The following UBE2D2 variants were observed in gnomAD, a reference collection of about 807,000 sequenced individuals.
UBE2D2 encodes the protein ubiquitin conjugating enzyme E2 D2, also known as ubiquitin-conjugating enzyme E2 D2.
Under a neutral mutation model 24.2 loss-of-function variants are expected in UBE2D2, and 2 were observed. The observed-to-expected ratio is 0.08, with a 90% CI of 0.03 to 0.26. UBE2D2 has a LOEUF of 0.26. UBE2D2 is among the 10% of genes least tolerant of loss of function. The pLI, the probability that UBE2D2 is intolerant of heterozygous loss-of-function variation, is 1.00. For synonymous variants in UBE2D2, 58 were observed against 56.5 expected (o/e 1.03, Z -0.12); for missense variants, 44 against 177.6 (o/e 0.25, Z 4.28).
chr5:139,550,238 G>C (rs1298212295), intron 1 of UBE2D2, among the ~76,000 whole-genome samples: 2 of 152,114 alleles, frequency 1.3e-5, no homozygotes, highest in Non-Finnish European at 2.9e-5. Flanking sequence ...CCTGTGTCTA[G>C]CTCAAGGTTT....
Position 139,627,162 on chromosome 5 carries a change from A to G in UBE2D2, c.*361A>G. 1 of 203,872 alleles carries G rather than the reference A, an allele frequency of 4.9e-6. No individual in the cohort carries two copies. The allele number at this position is 203,872 out of a possible 1,614,324, so 12.6% of individuals were successfully genotyped here. The stretch of plus-strand genomic sequence containing the variant: ...GCTTGGATGGGAAAGAAAAGGCTCC[A>G]CTCACCTATAGGAGATTATTTTTAA... On this transcript the variant is annotated 3_prime_UTR_variant, in exon 7 of 7. Transcript: ENST00000398733.
At chr5:139,555,693 G>A (rs1478383669) in intron 1 of UBE2D2, among the ~76,000 whole-genome samples, 2 of 151,986 alleles carry the variant, frequency 1.3e-5, no homozygotes, top group Non-Finnish European at 2.9e-5. Context: ...TTGGGAGGCC[G>A]AGGTGGGCAG....
intron 5 of UBE2D2, among the ~76,000 whole-genome samples, chr5:139,620,894 C>T (rs1754501586): frequency 6.6e-6 from 1 of 152,206 alleles, no homozygotes; most frequent in Non-Finnish European, 1.5e-5. Flanking sequence ...GGCTACTGAA[C>T]TTAATGTAAT....
At chr5:139,562,956 T>C (rs763639379) in intron 1 of UBE2D2, among the ~76,000 whole-genome samples, 2 of 152,176 alleles carry the variant, frequency 1.3e-5, no homozygotes, top group Non-Finnish European at 2.9e-5. Flanking sequence ...TTTTTCCTTT[T>C]AGTGGAGAAC....
At position 139,628,131 on chromosome 5, in the gene UBE2D2, A is replaced by G. The variant is rs1165149068; in HGVS notation, c.*1330A>G. 6.6e-6 allele frequency: 1 copy of G among 152,620 alleles called. No homozygotes were observed. The highest frequency in any genetic ancestry group is 2.4e-5 in the African/African-American group (1 of 41,436). 9.5% of individuals were successfully genotyped at this position (152,620 alleles called of 1,614,324 possible). On this transcript the variant is annotated 3_prime_UTR_variant, in exon 7 of 7. Transcript: ENST00000398733. Reference sequence around the variant, plus strand: ...CAGTCTTGTTTGGAGAGTCTACATAATTACTTTGCACTAACATTTGCAGGA... The same window carrying G: ...CAGTCTTGTTTGGAGAGTCTACATAGTTACTTTGCACTAACATTTGCAGGA...
chr5:139,615,003 G>T (rs377052164), intron 5 of UBE2D2, 37 bp downstream of exon 5: 2 of 1,533,966 alleles, frequency 1.3e-6, no homozygotes, highest in Non-Finnish European at 1.8e-6. Flanking sequence ...TAAAGCAACC[G>T]TGTCTTTTGT....
upstream of UBE2D2, among the ~76,000 whole-genome samples, chr5:139,559,117 G>C (rs796754671): frequency 3.0e-4 from 45 of 152,022 alleles, 2 homozygotes; most frequent in African/African-American, 1.0e-3. Context: ...AGTTATTACT[G>C]AGAATAACTT....
At chr5:139,528,926 C>G (rs1012531293) in intron 1 of UBE2D2, among the ~76,000 whole-genome samples, 1 of 152,122 alleles carries the variant, frequency 6.6e-6, no homozygotes, top group Admixed American at 6.6e-5. Context: ...AAGAAGATGA[C>G]AAGCCCTGCT....
At chr5:139,537,831 G>A (rs1197962483) in intron 1 of UBE2D2, among the ~76,000 whole-genome samples, 1 of 151,768 alleles carries the variant, frequency 6.6e-6, no homozygotes, top group African/African-American at 2.4e-5. Flanking sequence ...GGGCGTGTTG[G>A]TGGGCACCTG....
chr5:139,550,023 A>T (rs547998282), intron 1 of UBE2D2, among the ~76,000 whole-genome samples: 1 of 150,268 alleles, frequency 6.7e-6, no homozygotes, highest in East Asian at 1.9e-4. Context: ...AAACACACTA[A>T]TCAGCACCCT....
At chr5:139,549,232 C>G (rs543622814) in intron 1 of UBE2D2, among the ~76,000 whole-genome samples, 4 of 152,300 alleles carry the variant, frequency 2.6e-5, no homozygotes, top group East Asian at 1.9e-4. Flanking sequence ...GCCTCGGCGT[C>G]CACTCTGGCT....
chr5:139,595,924 C>T (rs2126681042), intron 1 of UBE2D2, among the ~76,000 whole-genome samples: 1 of 122,548 alleles, frequency 8.2e-6, no homozygotes, highest in Middle Eastern at 5.8e-3. Context: ...GACAGAGTCT[C>T]ACTCTATCAC....
chr5:139,619,817 C>G (rs766604926), intron 5 of UBE2D2, among the ~76,000 whole-genome samples: 1 of 152,052 alleles, frequency 6.6e-6, no homozygotes, highest in East Asian at 1.9e-4. Flanking sequence ...AAGCTGGGAT[C>G]GCGCCATTGC....
intron 2 of UBE2D2, among the ~76,000 whole-genome samples, chr5:139,607,526 A>G (rs992142587): frequency 6.6e-6 from 1 of 152,174 alleles, no homozygotes; most frequent in African/African-American, 2.4e-5. Flanking sequence ...TTTGACCTTA[A>G]TAACAGTGAA....
chr5:139,596,584 GC>G (rs1753964116), intron 1 of UBE2D2, among the ~76,000 whole-genome samples: 1 of 151,718 alleles, frequency 6.6e-6, no homozygotes, highest in Admixed American at 6.6e-5. Flanking sequence ...GAGCTACCGT[GC>G]CCAGCCCAAA....
intron 1 of UBE2D2, among the ~76,000 whole-genome samples, chr5:139,585,537 T>C (rs892214158): frequency 1.3e-5 from 2 of 152,062 alleles, no homozygotes; most frequent in Non-Finnish European, 2.9e-5. Flanking sequence ...CTATAGACTT[T>C]CTGTTTCCTG....
At chr5:139,543,387 G>A (rs1202547618) in intron 1 of UBE2D2, among the ~76,000 whole-genome samples, 1 of 152,144 alleles carries the variant, frequency 6.6e-6, no homozygotes, top group Non-Finnish European at 1.5e-5. Context: ...TCCTTTCCCC[G>A]CTCCACTTTA....
At chr5:139,535,055 G>A (rs770582094) in intron 1 of UBE2D2, among the ~76,000 whole-genome samples, 7 of 151,866 alleles carry the variant, frequency 4.6e-5, no homozygotes, top group Non-Finnish European at 7.4e-5. Flanking sequence ...GGGGAGAATC[G>A]CTTGAACCTG....
chr5:139,625,885 G>A (rs868219585), intron 6 of UBE2D2, among the ~76,000 whole-genome samples: 16 of 152,098 alleles, frequency 1.1e-4, no homozygotes, highest in South Asian at 4.1e-4. Context: ...GATTACAGGC[G>A]TGAGCCACCA....
Sources: allele counts gnomAD v4.1 joint callset (sites outside exome capture counted in the v4.1 genomes callset), GRCh38; gene constraint gnomAD v4.1.1; transcripts MANE v1.5; gene names NCBI Gene and HGNC (gene_info 2026-07-23, HGNC 2026-07-21).